The following PKNOX2 variants were observed in gnomAD, a reference collection of about 807,000 sequenced individuals.
PKNOX2 encodes the protein PBX/knotted 1 homeobox 2.
PKNOX2 carries 14 observed loss-of-function variants against 53.1 expected under a neutral mutation model. That is an observed-to-expected ratio of 0.26 (90% CI 0.17 to 0.41). PKNOX2 has a LOEUF of 0.41. Among genes scored for constraint, PKNOX2 ranks in the 10% least tolerant of loss-of-function variants. The pLI, the probability that PKNOX2 is intolerant of heterozygous loss-of-function variation, is 1.00. For missense variants in PKNOX2, 496 were observed against 602.8 expected (o/e 0.82, Z 1.85); for synonymous variants, 257 against 242.8 (o/e 1.06, Z -0.54).
In PKNOX2 at chr11:125,311,867, C is replaced by A. The variant is rs1271643143; in HGVS notation, c.-129-19952C>A. Among the ~76,000 whole-genome samples, 4 of 152,326 alleles carry A rather than the reference C, an allele frequency of 2.6e-5. No homozygotes were observed. The East Asian group carries it at 7.7e-4, about 29-fold the overall frequency. On this transcript the variant is annotated intron_variant, in intron 2 of 12. Coordinates refer to ENST00000298282, the MANE Select transcript of PKNOX2 (RefSeq NM_001382323.2). ...ATTTTTTAAAAAATTTTTGACATCA[C>A]TGTCCTCCCAGTGAATTGAATACTG...
intron 1 of PKNOX2, among the ~76,000 whole-genome samples, chr11:125,214,845 C>T (rs1940292474): frequency 6.6e-6 from 1 of 151,990 alleles, no homozygotes; most frequent in South Asian, 2.1e-4. Flanking sequence ...CTGTCCACTC[C>T]GAGAACCCCT....
At chr11:125,223,244 T>G (rs1941393598) in intron 1 of PKNOX2, among the ~76,000 whole-genome samples, 1 of 152,054 alleles carries the variant, frequency 6.6e-6, no homozygotes, top group African/African-American at 2.4e-5. Context: ...CCTTTTTTTT[T>G]TTTGAGACAG....
chr11:125,406,824 G>A (rs765271999), intron 7 of PKNOX2, among the ~76,000 whole-genome samples: 2 of 147,158 alleles, frequency 1.4e-5, no homozygotes, highest in Admixed American at 7.0e-5. Flanking sequence ...CAGCGTGTAC[G>A]ATCTTTGGGA....
chr11:125,398,163 G>A (rs1294128229), intron 7 of PKNOX2, 101 bp downstream of exon 7: 1 of 1,266,642 alleles, frequency 7.9e-7, no homozygotes. Context: ...CACTGGGTTA[G>A]ACCCACTGGG....
chr11:125,242,973 T>C (rs1315708602), intron 2 of PKNOX2, among the ~76,000 whole-genome samples: 1 of 152,220 alleles, frequency 6.6e-6, no homozygotes, highest in Non-Finnish European at 1.5e-5. Context: ...TGTTATTTAC[T>C]TAGCTGGGAA....
chr11:125,308,390 T>C (rs1439390208), intron 2 of PKNOX2, among the ~76,000 whole-genome samples: 2 of 152,094 alleles, frequency 1.3e-5, no homozygotes, highest in African/African-American at 4.8e-5. Context: ...TCAGTCCTGC[T>C]CATGCTCTGG....
chr11:125,419,790 G>C (rs1454233148), intron 10 of PKNOX2, among the ~76,000 whole-genome samples: 1 of 151,478 alleles, frequency 6.6e-6, no homozygotes, highest in East Asian at 1.9e-4. Context: ...CAGCACTTTA[G>C]GAGGCCAAGG....
intron 3 of PKNOX2, 105 bp from the exon 4 acceptor site, chr11:125,351,179 C>T (rs1190305300): frequency 1.4e-6 from 1 of 714,896 alleles, no homozygotes; most frequent in East Asian, 2.7e-5. Context: ...TTGCCGCATC[C>T]AGCCGGCCCA....
chr11:125,407,024 G>A (rs1379274711), intron 7 of PKNOX2, among the ~76,000 whole-genome samples: 2 of 151,262 alleles, frequency 1.3e-5, no homozygotes, highest in South Asian at 2.1e-4. Context: ...AGACCTCCGG[G>A]ATGCCAAAAT....
intron 7 of PKNOX2, among the ~76,000 whole-genome samples, chr11:125,402,076 G>A (rs1439849737): frequency 4.6e-5 from 7 of 152,240 alleles, no homozygotes; most frequent in South Asian, 4.1e-4. Context: ...CATCCAGATC[G>A]ATGGGTTGAG....
In PKNOX2 at chr11:125,245,053, C is replaced by T. The variant is rs550248766; in HGVS notation, c.-130+9938C>T. ...ACTGTTGCTGTTTTATAACTTTAAA[C>T]CCAATTTTTAAAAAAGTGTATCAAG... On this transcript the variant is annotated intron_variant, in intron 2 of 12. Coordinates refer to ENST00000298282, the MANE Select transcript of PKNOX2 (RefSeq NM_001382323.2). Among the ~76,000 whole-genome samples the T allele has an allele frequency of 5.3e-5, 8 of 152,248 alleles. 1 individual carries two copies. In the South Asian group the frequency reaches 1.7e-3, roughly 32 times the overall value.
At chr11:125,261,999 G>A (rs1944885508) in intron 2 of PKNOX2, among the ~76,000 whole-genome samples, 1 of 152,204 alleles carries the variant, frequency 6.6e-6, no homozygotes, top group African/African-American at 2.4e-5. Flanking sequence ...GAGGGTGCGG[G>A]GATGCAGAGC....
chr11:125,172,536 G>A (rs1955404362), intron 1 of PKNOX2, among the ~76,000 whole-genome samples: 1 of 152,162 alleles, frequency 6.6e-6, no homozygotes, highest in African/African-American at 2.4e-5. Context: ...GTCTGAGCAT[G>A]GTGGATTCCA....
Position 125,431,032 on chromosome 11 carries a change from G to A in PKNOX2, c.1193-134G>A. On this transcript the variant is annotated intron_variant, in intron 12 of 12. Coordinates refer to ENST00000298282, the MANE Select transcript of PKNOX2 (RefSeq NM_001382323.2). The stretch of plus-strand genomic sequence containing the variant: ...AGACTTCATACCAGGGCATTGTCCA[G>A]CTCAGGCTTGGACAGCTCTAAAAAC... The A allele has an allele frequency of 1.0e-5, 15 of 1,433,298 alleles. No homozygotes were observed. In the South Asian group the frequency reaches 2.2e-4, roughly 21 times the overall value. 88.8% of individuals were successfully genotyped at this position (1,433,298 alleles called of 1,614,324 possible).
intron 7 of PKNOX2, among the ~76,000 whole-genome samples, chr11:125,405,997 G>A (rs1215628393): frequency 6.6e-6 from 1 of 152,106 alleles, no homozygotes; most frequent in Admixed American, 6.5e-5. Flanking sequence ...TGAGGCTCTG[G>A]GTGCTGAAAA....
rs921266663 is a variant in PKNOX2 at position 125,410,224 on chromosome 11, T to A, written c.617T>A (p.Met206Lys). The A allele has an allele frequency of 2.5e-6, 4 of 1,614,024 alleles. No homozygotes were observed. The highest frequency in any genetic ancestry group is 3.4e-6 in the Non-Finnish European group (4 of 1,179,962). Residue 206 changes from methionine (M) to lysine (K), a missense_variant, in exon 8 of 13, where the codon ATG (methionine) becomes AAG (lysine). Coordinates refer to ENST00000298282, the MANE Select transcript of PKNOX2 (RefSeq NM_001382323.2). ...CTCCTGCAGAATTCCCCCAATTCCA[T>A]GTCCGGAGTCTCCAATAACCCCCAG... ...QDLLQNSPNS[M>K]SGVSNNPQGI...
intron 2 of PKNOX2, among the ~76,000 whole-genome samples, chr11:125,290,749 C>G (rs1193624088): frequency 6.6e-6 from 1 of 151,680 alleles, no homozygotes; most frequent in African/African-American, 2.4e-5. Flanking sequence ...AGGATGCTCA[C>G]AGTGTGGTGG....
At chr11:125,345,163 G>A (rs929312206) in intron 3 of PKNOX2, among the ~76,000 whole-genome samples, 14 of 152,158 alleles carry the variant, frequency 9.2e-5, no homozygotes, top group African/African-American at 3.4e-4. Context: ...GGGGTGAAGA[G>A]GCAGGCGAGG....
chr11:125,312,717 G>A (rs1008439204), intron 2 of PKNOX2, among the ~76,000 whole-genome samples: 3 of 152,156 alleles, frequency 2.0e-5, no homozygotes, highest in East Asian at 1.9e-4. Flanking sequence ...GGAGACGCAC[G>A]TGCCCATAAT....
Sources: gnomAD v4.1 joint callset for allele counts (sites outside exome capture counted in the v4.1 genomes callset) on GRCh38, gnomAD v4.1.1 for gene constraint, MANE v1.5 for transcripts, NCBI Gene and HGNC (gene_info 2026-07-23, HGNC 2026-07-21) for gene names.